CNTNAP2: variants seen among roughly 807,000 people sequenced by gnomAD.
CNTNAP2 encodes the protein contactin associated protein 2.
A neutral mutation model predicts 155.2 loss-of-function variants in CNTNAP2; 98 were observed. That is an observed-to-expected ratio of 0.63 (90% CI 0.54 to 0.75). CNTNAP2 has a LOEUF of 0.75. Among genes scored for constraint, CNTNAP2 ranks in the 30% least tolerant of loss-of-function variants. CNTNAP2 has a pLI of 0.00. For missense variants in CNTNAP2, 1,727 were observed against 1,688.1 expected (o/e 1.02, Z -0.40); for synonymous variants, 651 against 631.2 (o/e 1.03, Z -0.47).
At chr7:147,540,116 C>G (rs1441473615) in intron 11 of CNTNAP2, among the ~76,000 whole-genome samples, 1 of 152,172 alleles carries the variant, frequency 6.6e-6, no homozygotes, top group African/African-American at 2.4e-5. Context: ...TACTTTGAGA[C>G]TTAATCAAAG....
At chr7:147,412,470 T>C (rs1207234167) in intron 10 of CNTNAP2, among the ~76,000 whole-genome samples, 1 of 152,198 alleles carries the variant, frequency 6.6e-6, no homozygotes, top group Non-Finnish European at 1.5e-5. Context: ...TTAGGCACTT[T>C]TTAACCTGTT....
intron 1 of CNTNAP2, among the ~76,000 whole-genome samples, chr7:146,523,764 A>G (rs1254647745): frequency 1.3e-5 from 2 of 152,168 alleles, no homozygotes; most frequent in Non-Finnish European, 2.9e-5. Flanking sequence ...CTGTCGAACT[A>G]TTGGCTAATT....
At chr7:148,019,902 A>T (rs1802251738) in intron 15 of CNTNAP2, among the ~76,000 whole-genome samples, 1 of 152,058 alleles carries the variant, frequency 6.6e-6, no homozygotes, top group African/African-American at 2.4e-5. Context: ...CTCCTCCCTC[A>T]GCCTCCCAAG....
intron 10 of CNTNAP2, among the ~76,000 whole-genome samples, chr7:147,407,253 G>C (rs372332987): frequency 1.3e-5 from 2 of 152,152 alleles, no homozygotes; most frequent in East Asian, 3.9e-4. Flanking sequence ...CAGATCACGA[G>C]GTCAGGAGAT....
chr7:147,063,374 G>A (rs1584813355), intron 4 of CNTNAP2, among the ~76,000 whole-genome samples: 1 of 151,858 alleles, frequency 6.6e-6, no homozygotes, highest in Non-Finnish European at 1.5e-5. Context: ...AAAAAAAATG[G>A]CCAATTGCTC....
intron 13 of CNTNAP2, among the ~76,000 whole-genome samples, chr7:147,712,739 T>G (rs998856952): frequency 6.6e-6 from 1 of 152,178 alleles, no homozygotes; most frequent in Non-Finnish European, 1.5e-5. Context: ...CACCGGGGCC[T>G]GTCATGGGGT....
intron 13 of CNTNAP2, among the ~76,000 whole-genome samples, chr7:147,865,406 T>C (rs1406758234): frequency 1.3e-5 from 2 of 152,194 alleles, no homozygotes; most frequent in African/African-American, 4.8e-5. Context: ...GTTGTCTCTC[T>C]GCCAGCCTTC....
intron 9 of CNTNAP2, among the ~76,000 whole-genome samples, chr7:147,357,338 C>G (rs1310207813): frequency 1.3e-5 from 2 of 152,024 alleles, no homozygotes; most frequent in Non-Finnish European, 2.9e-5. Flanking sequence ...TAGGGCCAGA[C>G]AGAGCCTTCC....
intron 8 of CNTNAP2, among the ~76,000 whole-genome samples, chr7:147,271,077 G>A (rs1489770466): frequency 3.3e-5 from 5 of 152,114 alleles, no homozygotes; most frequent in Non-Finnish European, 7.4e-5. Context: ...TTTGGGTAAC[G>A]TTATTGAACG....
At chr7:146,211,432 C>T (rs1362698745) in intron 1 of CNTNAP2, among the ~76,000 whole-genome samples, 1 of 152,098 alleles carries the variant, frequency 6.6e-6, no homozygotes, top group Non-Finnish European at 1.5e-5. Context: ...AGTAAGTGCT[C>T]ACTTTTTTGT....
chr7:146,884,519 T>A (rs866468615), intron 3 of CNTNAP2, among the ~76,000 whole-genome samples: 1 of 152,112 alleles, frequency 6.6e-6, no homozygotes, highest in Non-Finnish European at 1.5e-5. Flanking sequence ...CTACTCAGTA[T>A]GTATTGAGTA....
At chr7:147,697,324 T>C (rs996340122) in intron 13 of CNTNAP2, among the ~76,000 whole-genome samples, 1 of 152,176 alleles carries the variant, frequency 6.6e-6, no homozygotes, top group Non-Finnish European at 1.5e-5. Flanking sequence ...AATTATACTT[T>C]AAAAAAATTC....
chr7:147,596,895 T>C (rs1800835639), intron 12 of CNTNAP2, among the ~76,000 whole-genome samples: 1 of 152,136 alleles, frequency 6.6e-6, no homozygotes, highest in Admixed American at 6.5e-5. Context: ...CCTCTAGTCG[T>C]CTTCATTGCT....
intron 1 of CNTNAP2, among the ~76,000 whole-genome samples, chr7:146,682,955 C>A (rs2129170185): frequency 6.6e-6 from 1 of 152,280 alleles, no homozygotes; most frequent in African/African-American, 2.4e-5. Context: ...ACTGACATGG[C>A]AGAACTGCTA....
chr7:148,153,020 C>CAAA (rs373499312), intron 17 of CNTNAP2, among the ~76,000 whole-genome samples: 787 of 22,646 alleles, frequency 0.035, 166 homozygotes, highest in African/African-American at 0.091. Context: ...GACTCCGTCT[C>CAAA]AAAAAAAAAA....
At chr7:146,399,573 T>C (rs1563070060) in intron 1 of CNTNAP2, among the ~76,000 whole-genome samples, 1 of 152,224 alleles carries the variant, frequency 6.6e-6, no homozygotes, top group Non-Finnish European at 1.5e-5. Context: ...TGTTTATTTG[T>C]TGATGGACAC....
chr7:147,466,606 C>T (rs146438193), intron 10 of CNTNAP2, among the ~76,000 whole-genome samples: 69 of 152,260 alleles, frequency 4.5e-4, no homozygotes, highest in African/African-American at 1.6e-3. Flanking sequence ...GTTTTCTGAT[C>T]CCCAACATCT....
intron 11 of CNTNAP2, among the ~76,000 whole-genome samples, chr7:147,522,249 G>A (rs1446622086): frequency 1.3e-5 from 2 of 152,128 alleles, no homozygotes; most frequent in African/African-American, 2.4e-5. Context: ...TATGAACTTG[G>A]AGGACACACG....
intron 1 of CNTNAP2, among the ~76,000 whole-genome samples, chr7:146,748,269 C>T (rs577033208): frequency 2.6e-5 from 4 of 151,540 alleles, no homozygotes; most frequent in East Asian, 2.0e-4. Context: ...CCTCAGCCTC[C>T]GGAGTAACTG....
Sources: allele counts gnomAD v4.1 joint callset (sites outside exome capture counted in the v4.1 genomes callset), GRCh38; gene constraint gnomAD v4.1.1; transcripts MANE v1.5; gene names NCBI Gene and HGNC (gene_info 2026-07-23, HGNC 2026-07-21).